RANBP2: variants seen among roughly 807,000 people sequenced by gnomAD.
RANBP2 encodes the protein RAN binding protein 2.
In RANBP2, 57 loss-of-function variants were observed where a neutral mutation model predicts 303.6. The observed-to-expected ratio is 0.19, with a 90% confidence interval of 0.15 to 0.23. The LOEUF (loss-of-function observed/expected upper bound fraction) is 0.23. Ranked by LOEUF, RANBP2 falls within the 10% of genes least tolerant of loss-of-function variation. RANBP2 has a pLI of 1.00. For missense variants in RANBP2, 3,138 were observed against 3,780.8 expected (o/e 0.83, Z 4.46); for synonymous variants, 1,167 against 1,301.5 (o/e 0.90, Z 2.23).
At chr2:109,429,388 C>G in the RANBP2 span, among the ~76,000 whole-genome samples, 1 of 152,186 alleles carries the variant, frequency 6.6e-6, no homozygotes, top group East Asian at 1.9e-4. Flanking sequence ...CCCCAGCAAC[C>G]TACACCTAGA....
At chr2:109,129,689 C>T in the RANBP2 span, 2 of 1,526,042 alleles carry the variant, frequency 1.3e-6, no homozygotes, top group South Asian at 1.2e-5. Context: ...GACGAGTCGT[C>T]GCTGCTGGAC....
At chr2:109,440,001 C>A in the RANBP2 span, among the ~76,000 whole-genome samples, 3 of 152,080 alleles carry the variant, frequency 2.0e-5, no homozygotes, top group Admixed American at 6.6e-5. Flanking sequence ...GGTGATAATG[C>A]CTTGAATCTT....
the RANBP2 span, among the ~76,000 whole-genome samples, chr2:109,240,983 T>C: frequency 2.0e-5 from 3 of 151,806 alleles, no homozygotes; most frequent in African/African-American, 2.4e-5. Context: ...AGTCCACATC[T>C]CCCCAAAAAC....
chr2:108,909,686 G>A, the RANBP2 span, among the ~76,000 whole-genome samples: 467 of 152,328 alleles, frequency 3.1e-3, 3 homozygotes, highest in South Asian at 6.2e-3. Flanking sequence ...AGCTACGCAG[G>A]ACCAAGTCCA....
At chr2:108,873,198 G>T in the RANBP2 span, among the ~76,000 whole-genome samples, 2 of 151,978 alleles carry the variant, frequency 1.3e-5, no homozygotes, top group East Asian at 1.9e-4. Flanking sequence ...TCAAACATGG[G>T]ATTTCTTCTA....
the RANBP2 span, among the ~76,000 whole-genome samples, chr2:109,066,641 C>T: frequency 6.6e-6 from 1 of 152,152 alleles, no homozygotes; most frequent in Admixed American, 6.5e-5. Flanking sequence ...CTTTCTAGAC[C>T]CAGGGCCCTT....
At chr2:108,911,868 T>A in the RANBP2 span, among the ~76,000 whole-genome samples, 1 of 152,204 alleles carries the variant, frequency 6.6e-6, no homozygotes, top group Non-Finnish European at 1.5e-5. Flanking sequence ...TGTGGGTGCA[T>A]CTGCAGGAAA....
the RANBP2 span, among the ~76,000 whole-genome samples, chr2:108,947,270 G>C: frequency 6.6e-6 from 1 of 152,316 alleles, no homozygotes; most frequent in African/African-American, 2.4e-5. Flanking sequence ...TGCCTCTGTG[G>C]CTCTGCAGGG....
chr2:109,681,137 T>C, the RANBP2 span, among the ~76,000 whole-genome samples: 1 of 152,202 alleles, frequency 6.6e-6, no homozygotes. Context: ...AGGAATCCCA[T>C]GAACACACGG....
intron 1 of RANBP2, among the ~76,000 whole-genome samples, chr2:108,725,148 T>C (rs980599789): frequency 2.0e-5 from 3 of 152,094 alleles, no homozygotes; most frequent in African/African-American, 7.2e-5. Context: ...TTAAGTGAAT[T>C]CAGGTATTTG....
At chr2:109,631,625 G>A in the RANBP2 span, among the ~76,000 whole-genome samples, 10 of 151,524 alleles carry the variant, frequency 6.6e-5, no homozygotes, top group East Asian at 3.9e-4. Context: ...GCGTGATGGC[G>A]GGCACCTGTA....
At chr2:109,398,619 G>A in the RANBP2 span, 2 of 1,587,010 alleles carry the variant, frequency 1.3e-6, no homozygotes, top group Non-Finnish European at 1.7e-6. Flanking sequence ...AGCTCATTGA[G>A]ATGGACAAGC....
the RANBP2 span, among the ~76,000 whole-genome samples, chr2:109,086,021 T>G: frequency 6.6e-6 from 1 of 152,240 alleles, no homozygotes; most frequent in East Asian, 1.9e-4. Context: ...AGTGGAATCA[T>G]ACCATATTTG....
chr2:109,634,785 G>T, the RANBP2 span, among the ~76,000 whole-genome samples: 2 of 150,158 alleles, frequency 1.3e-5, no homozygotes, highest in Non-Finnish European at 3.0e-5. Context: ...TTAGCATAAA[G>T]ATTATAACCA....
At chr2:109,620,626 C>T in the RANBP2 span, among the ~76,000 whole-genome samples, 32 of 151,658 alleles carry the variant, frequency 2.1e-4, no homozygotes, top group Non-Finnish European at 2.9e-4. Context: ...CACTTGAACC[C>T]GGGAGGCGGA....
At chr2:109,425,625 C>T in the RANBP2 span, among the ~76,000 whole-genome samples, 1 of 152,152 alleles carries the variant, frequency 6.6e-6, no homozygotes, top group African/African-American at 2.4e-5. Flanking sequence ...ACAACCACGC[C>T]TGCATGATAG....
the RANBP2 span, chr2:109,615,069 G>T: frequency 6.5e-7 from 1 of 1,549,284 alleles, no homozygotes; most frequent in African/African-American, 1.4e-5. Flanking sequence ...CTCCCTTGTG[G>T]GGGCTACCGC....
At chr2:109,352,478 A>G in the RANBP2 span, among the ~76,000 whole-genome samples, 1 of 152,132 alleles carries the variant, frequency 6.6e-6, no homozygotes, top group Non-Finnish European at 1.5e-5. Flanking sequence ...CAAGCTTCCA[A>G]ATTTGCAGTG....
the RANBP2 span, among the ~76,000 whole-genome samples, chr2:108,873,075 G>A: frequency 1.5e-4 from 23 of 151,654 alleles, no homozygotes; most frequent in African/African-American, 5.6e-4. Context: ...TCTTTGATTT[G>A]TTTTTTGTTT....
Sources: gnomAD v4.1 joint callset for allele counts (sites outside exome capture counted in the v4.1 genomes callset) on GRCh38, gnomAD v4.1.1 for gene constraint, MANE v1.5 for transcripts, NCBI Gene and HGNC (gene_info 2026-07-23, HGNC 2026-07-21) for gene names.